Variants in MICAL2 observed in about 807,000 individuals in gnomAD.
MICAL2 encodes [F-actin]-monooxygenase MICAL2.
MICAL2 carries 77 observed loss-of-function variants against 127.3 expected under a neutral mutation model. That is an observed-to-expected ratio of 0.60 (90% CI 0.50 to 0.73). The LOEUF (loss-of-function observed/expected upper bound fraction) is 0.73. Ranked by LOEUF, MICAL2 falls within the 30% of genes least tolerant of loss-of-function variation. MICAL2 has a pLI of 0.00. For synonymous variants in MICAL2, 570 were observed against 551.1 expected, an observed-to-expected ratio of 1.03 and a Z score of -0.48; for missense variants, 1,351 against 1,434.4, an observed-to-expected ratio of 0.94 and a Z score of 0.94.
intron 1 of MICAL2, chr11:12,116,781 A>C (rs1850077443): frequency 6.6e-6 from 1 of 152,152 alleles, no homozygotes; most frequent in South Asian, 2.1e-4. Context: ...CATGTCTCAA[A>C]TGAAGAGCCT....
At chr11:12,202,837 A>G (rs113530697) in intron 3 of MICAL2, among the ~76,000 whole-genome samples, 11 of 152,294 alleles carry the variant, frequency 7.2e-5, no homozygotes, top group African/African-American at 2.4e-4. Flanking sequence ...TACACAATTC[A>G]GTGGTTTTAG....
chr11:12,283,056 A>C (rs1356035679), intron 2 of MICAL2, among the ~76,000 whole-genome samples: 1 of 152,186 alleles, frequency 6.6e-6, no homozygotes, highest in Non-Finnish European at 1.5e-5. Flanking sequence ...CTCTCAAACA[A>C]TTCTTTGTCG....
At chr11:12,329,254 C>T (rs1026858250) in intron 32 of MICAL2, among the ~76,000 whole-genome samples, 1 of 152,164 alleles carries the variant, frequency 6.6e-6, no homozygotes, top group Non-Finnish European at 1.5e-5. Flanking sequence ...TTCTTGCTGC[C>T]TGGACTGAGA....
intron 8 of MICAL2, among the ~76,000 whole-genome samples, chr11:12,219,247 C>T (rs564317681): frequency 3.3e-5 from 5 of 152,206 alleles, no homozygotes; most frequent in South Asian, 2.1e-4. Flanking sequence ...TTTAGCCACA[C>T]GGTGAGCAGC....
At chr11:12,170,022 G>A (rs1856037339) in intron 3 of MICAL2, among the ~76,000 whole-genome samples, 1 of 152,184 alleles carries the variant, frequency 6.6e-6, no homozygotes, top group East Asian at 1.9e-4. Flanking sequence ...GGGCCACTGG[G>A]TGAAGAGCAG....
chr11:12,204,845 A>G (rs1209056366), intron 4 of MICAL2, among the ~76,000 whole-genome samples: 1 of 152,186 alleles, frequency 6.6e-6, no homozygotes, highest in African/African-American at 2.4e-5. Flanking sequence ...GTTGGTGGTA[A>G]TGTGTTCAAC....
chr11:12,313,167 C>CAAAAAAAAA (rs61207104), intron 29 of MICAL2, among the ~76,000 whole-genome samples: 1 of 69,266 alleles, frequency 1.4e-5, no homozygotes, highest in Non-Finnish European at 2.4e-5. Flanking sequence ...GACTACATCT[C>CAAAAAAAAA]AAAAAAAAAA....
chr11:12,294,588 C>G (rs112851920), downstream of MICAL2: 531 of 1,614,234 alleles, frequency 3.3e-4, 1 homozygote, highest in African/African-American at 6.0e-3. Flanking sequence ...TTCCCAGATG[C>G]TTCTAAGCCT....
exon 1 of MICAL2, chr11:12,276,132 G>T (rs1863720260): frequency 5.0e-6 from 2 of 399,114 alleles, no homozygotes; most frequent in African/African-American, 2.1e-5. Flanking sequence ...GGATGTGCTG[G>T]CTGTGCGTGT....
At chr11:12,181,726 A>T (rs1045996377) in intron 3 of MICAL2, among the ~76,000 whole-genome samples, 2 of 152,264 alleles carry the variant, frequency 1.3e-5, no homozygotes, top group African/African-American at 4.8e-5. Context: ...GGGGCCTGCA[A>T]CATTAAAACA....
At chr11:12,320,136 A>T (rs1056780701) in intron 30 of MICAL2, among the ~76,000 whole-genome samples, 1 of 152,230 alleles carries the variant, frequency 6.6e-6, no homozygotes, top group African/African-American at 2.4e-5. Flanking sequence ...TACAACAAGC[A>T]GATGCATATT....
upstream of MICAL2, among the ~76,000 whole-genome samples, chr11:12,273,279 T>C (rs955276166): frequency 6.6e-6 from 1 of 152,184 alleles, no homozygotes; most frequent in Admixed American, 6.5e-5. Context: ...ACTTAATACA[T>C]GTCAAATGCT....
chr11:12,212,134 A>G (rs1447230837), intron 6 of MICAL2, among the ~76,000 whole-genome samples: 5 of 152,278 alleles, frequency 3.3e-5, no homozygotes, highest in East Asian at 1.9e-4. Flanking sequence ...TGCATCAGCC[A>G]TACAGGGTCT....
intron 33 of MICAL2, chr11:12,354,689 A>G: frequency 3.0e-6 from 3 of 984,640 alleles, no homozygotes; most frequent in Non-Finnish European, 4.5e-6. Flanking sequence ...TTAATTAGGA[A>G]AAAAGAATGC....
At chr11:12,262,269 A>C in intron 26 of MICAL2, 13 of 1,419,914 alleles carry the variant, frequency 9.2e-6, no homozygotes, top group Non-Finnish European at 1.2e-5. Flanking sequence ...GTGTGCATCC[A>C]CTCTCGTAAA....
downstream of MICAL2, chr11:12,294,818 C>T (rs760750550): frequency 9.9e-6 from 15 of 1,512,416 alleles, no homozygotes; most frequent in African/African-American, 5.6e-5. Context: ...TCCTCCTCCT[C>T]CTCCTCCTCC....
intron 2 of MICAL2, among the ~76,000 whole-genome samples, chr11:12,160,907 T>C (rs762697316): frequency 6.6e-6 from 1 of 152,246 alleles, no homozygotes; most frequent in Non-Finnish European, 1.5e-5. Context: ...CACCATTCTC[T>C]GCTTTTAGTA....
At chr11:12,335,304 G>GT (rs1304533599) in intron 32 of MICAL2, among the ~76,000 whole-genome samples, 8 of 149,646 alleles carry the variant, frequency 5.3e-5, no homozygotes, top group Admixed American at 2.7e-4. Flanking sequence ...GGGATTGTTT[G>GT]TTTTTTTCTT....
intron 32 of MICAL2, chr11:12,327,395 C>G (rs1864366494): frequency 2.8e-6 from 2 of 726,252 alleles, no homozygotes; most frequent in East Asian, 5.5e-5. Flanking sequence ...GGTAAATCCA[C>G]AAGTGCCGCA....
Sources: gnomAD v4.1 joint callset for allele counts (sites outside exome capture counted in the v4.1 genomes callset) on GRCh38, gnomAD v4.1.1 for gene constraint, MANE v1.5 for transcripts, NCBI Gene and HGNC (gene_info 2026-07-23, HGNC 2026-07-21) for gene names.